GRID2: variants seen among roughly 807,000 people sequenced by gnomAD.
GRID2 encodes glutamate ionotropic receptor delta type subunit 2.
GRID2 carries 33 observed loss-of-function variants against 114.8 expected under a neutral mutation model. That is an observed-to-expected ratio of 0.29 (90% CI 0.22 to 0.38). The LOEUF (loss-of-function observed/expected upper bound fraction) is 0.38, where lower values mean the gene tolerates loss of function less well. Ranked by LOEUF, GRID2 falls within the 10% of genes least tolerant of loss-of-function variation. The pLI is 1.00. For synonymous variants in GRID2, 505 were observed against 449.9 expected, an observed-to-expected ratio of 1.12 and a Z score of -1.55; for missense variants, 1,184 against 1,257.7, an observed-to-expected ratio of 0.94 and a Z score of 0.89.
At chr4:93,714,414 T>A (rs1451603422) in intron 14 of GRID2, among the ~76,000 whole-genome samples, 1 of 152,224 alleles carries the variant, frequency 6.6e-6, no homozygotes, top group Non-Finnish European at 1.5e-5. Flanking sequence ...TATGCATGTA[T>A]CTTCATAACA....
intron 13 of GRID2, among the ~76,000 whole-genome samples, chr4:93,544,584 C>T (rs200381078): frequency 6.6e-6 from 1 of 151,806 alleles, no homozygotes; most frequent in East Asian, 1.9e-4. Context: ...TCGAGACCAG[C>T]CTGACCAACA....
At chr4:93,090,879 G>A (rs1420412594) in intron 3 of GRID2, among the ~76,000 whole-genome samples, 1 of 152,048 alleles carries the variant, frequency 6.6e-6, no homozygotes, top group Non-Finnish European at 1.5e-5. Context: ...TGACCTCCTC[G>A]CCCTCTGGTA....
At chr4:93,572,876 T>C (rs1483566592) in intron 13 of GRID2, among the ~76,000 whole-genome samples, 1 of 152,136 alleles carries the variant, frequency 6.6e-6, no homozygotes, top group Non-Finnish European at 1.5e-5. Flanking sequence ...TTGCAGCCTC[T>C]CACTTATTTT....
intron 13 of GRID2, among the ~76,000 whole-genome samples, chr4:93,615,111 C>T (rs1391178991): frequency 6.6e-6 from 1 of 152,164 alleles, no homozygotes; most frequent in Non-Finnish European, 1.5e-5. Context: ...ATACTCTTAA[C>T]AAGCATTTGA....
chr4:93,251,637 T>C (rs1748943263), intron 8 of GRID2, among the ~76,000 whole-genome samples: 1 of 152,052 alleles, frequency 6.6e-6, no homozygotes, highest in African/African-American at 2.4e-5. Flanking sequence ...ATTAGTTATT[T>C]TTCTTGATCT....
chr4:93,585,086 C>T lies in GRID2; in HGVS notation c.2194-41183C>T, dbSNP rs114573459. On this transcript the variant is annotated intron_variant, in intron 13 of 15. Coordinates refer to ENST00000282020, the MANE Select transcript of GRID2 (RefSeq NM_001510.4). The stretch of plus-strand genomic sequence containing the variant: ...AACAAGCAAAATACCTTGAGCATCC[C>T]AAAAAACTGTTACCTTGGCCTTTGC... Among the ~76,000 whole-genome samples the T allele has an allele frequency of 3.7e-3, 569 of 152,110 alleles. 1 individual carries two copies. The highest frequency in any genetic ancestry group is 0.013 in the African/African-American group (545 of 41,504).
At chr4:93,682,367 G>A (rs1478716612) in intron 14 of GRID2, among the ~76,000 whole-genome samples, 1 of 151,790 alleles carries the variant, frequency 6.6e-6, no homozygotes, top group Non-Finnish European at 1.5e-5. Flanking sequence ...GTGGAAGTCA[G>A]TGTGGCGATT....
intron 11 of GRID2, among the ~76,000 whole-genome samples, chr4:93,481,457 A>G (rs1316504431): frequency 6.6e-6 from 1 of 152,058 alleles, no homozygotes; most frequent in Non-Finnish European, 1.5e-5. Context: ...GGATAAAGAG[A>G]GTTCTTCAAA....
chr4:92,877,624 A>C (rs1327523271), intron 2 of GRID2, among the ~76,000 whole-genome samples: 3 of 152,208 alleles, frequency 2.0e-5, no homozygotes, highest in African/African-American at 7.2e-5. Flanking sequence ...GTTCTTCTAC[A>C]GTCAGCATAA....
chr4:93,194,452 C>T (rs1242012485), intron 4 of GRID2, among the ~76,000 whole-genome samples: 1 of 151,922 alleles, frequency 6.6e-6, no homozygotes, highest in East Asian at 1.9e-4. Flanking sequence ...TAAAACAAGC[C>T]TTTTGTCTTT....
intron 1 of GRID2, among the ~76,000 whole-genome samples, chr4:92,315,062 G>T (rs1725896848): frequency 6.6e-6 from 1 of 152,126 alleles, no homozygotes; most frequent in African/African-American, 2.4e-5. Context: ...AGTAACCTCA[G>T]AATTCAGCCT....
intron 4 of GRID2, among the ~76,000 whole-genome samples, chr4:93,134,850 G>C (rs539634103): frequency 3.3e-5 from 5 of 152,080 alleles, no homozygotes; most frequent in Admixed American, 6.6e-5. Flanking sequence ...TTGCTTTGCT[G>C]TAAAATAAGA....
chr4:92,740,789 C>G (rs946685549), intron 2 of GRID2, among the ~76,000 whole-genome samples: 53 of 152,220 alleles, frequency 3.5e-4, no homozygotes, highest in African/African-American at 1.3e-3. Flanking sequence ...CTCTGTCACC[C>G]TGGCTAGAGT....
intron 2 of GRID2, among the ~76,000 whole-genome samples, chr4:92,997,318 T>C (rs960794598): frequency 1.3e-5 from 2 of 152,110 alleles, no homozygotes; most frequent in African/African-American, 4.8e-5. Flanking sequence ...AAGAGTAAGA[T>C]ACAGGAACCC....
At chr4:92,515,521 T>G (rs950805673) in intron 1 of GRID2, among the ~76,000 whole-genome samples, 2 of 151,912 alleles carry the variant, frequency 1.3e-5, no homozygotes, top group Non-Finnish European at 2.9e-5. Context: ...TTCCTGGCAA[T>G]TATAATAAGA....
At chr4:92,377,116 A>T (rs1314046229) in intron 1 of GRID2, among the ~76,000 whole-genome samples, 1 of 152,162 alleles carries the variant, frequency 6.6e-6, no homozygotes, top group Non-Finnish European at 1.5e-5. Flanking sequence ...TCACATTGTC[A>T]GCCTGCAGGT....
At chr4:92,321,382 A>G (rs1726307136) in intron 1 of GRID2, among the ~76,000 whole-genome samples, 2 of 152,196 alleles carry the variant, frequency 1.3e-5, no homozygotes, top group African/African-American at 4.8e-5. Flanking sequence ...GCGCAAAAAC[A>G]CTGTTCAAAC....
chr4:93,677,505 G>A (rs1293627329), intron 14 of GRID2, among the ~76,000 whole-genome samples: 8 of 152,126 alleles, frequency 5.3e-5, no homozygotes, highest in African/African-American at 7.2e-5. Flanking sequence ...CCTGACCCCC[G>A]AGCAGCCTAA....
Position 92,950,311 on chromosome 4 carries a change from A to T in GRID2, c.245-134684A>T, listed in dbSNP as rs142228960. Among the ~76,000 whole-genome samples, 34 of 152,314 alleles carry T rather than the reference A, an allele frequency of 2.2e-4. No individual in the cohort carries two copies. The East Asian group carries it at 6.6e-3, about 29-fold the overall frequency. ...GAATCGATCCTCTAACTGACAGAGC[A>T]ATGTAAATCTTGGACATAAACAACA... On this transcript the variant is annotated intron_variant, in intron 2 of 15. Transcript: ENST00000282020.
Sources: allele counts gnomAD v4.1 joint callset (sites outside exome capture counted in the v4.1 genomes callset), GRCh38; gene constraint gnomAD v4.1.1; transcripts MANE v1.5; gene names NCBI Gene and HGNC (gene_info 2026-07-23, HGNC 2026-07-21).